The following UBE2E2 variants were observed in gnomAD, a reference collection of about 807,000 sequenced individuals.
UBE2E2 encodes ubiquitin-conjugating enzyme E2 E2.
A neutral mutation model predicts 24.7 loss-of-function variants in UBE2E2; 6 were observed. The observed-to-expected ratio is 0.24, with a 90% CI of 0.13 to 0.48. The LOEUF (loss-of-function observed/expected upper bound fraction) is 0.48. Among genes scored for constraint, UBE2E2 ranks in the 20% least tolerant of loss-of-function variants. The probability of loss-of-function intolerance (pLI) is 0.99; values close to 1 mark genes in which losing one functional copy is unlikely to be tolerated. For synonymous variants in UBE2E2, 104 were observed against 83.6 expected (o/e 1.24, Z -1.33); for missense variants, 169 against 245.0 (o/e 0.69, Z 2.07).
At chr3:23,379,730 G>A (rs1334205973) in intron 3 of UBE2E2, among the ~76,000 whole-genome samples, 3 of 152,184 alleles carry the variant, frequency 2.0e-5, no homozygotes, top group East Asian at 1.9e-4. Flanking sequence ...ATGGTGTGAT[G>A]GGAGAGAGAG....
At chr3:23,347,016 T>C (rs550823283) in intron 3 of UBE2E2, among the ~76,000 whole-genome samples, 16 of 152,328 alleles carry the variant, frequency 1.1e-4, no homozygotes, top group African/African-American at 3.6e-4. Context: ...TCTTCAGTGC[T>C]ATCCTGTGCC....
chr3:23,569,415 C>G (rs902564014), intron 5 of UBE2E2, among the ~76,000 whole-genome samples: 1 of 152,000 alleles, frequency 6.6e-6, no homozygotes, highest in African/African-American at 2.4e-5. Context: ...TAATGGTTGC[C>G]CAATCTGTGA....
At position 23,372,421 on chromosome 3, in the gene UBE2E2, A is replaced by T. The variant is rs550941430; in HGVS notation, c.228-127187A>T. ...CATGAGCTGAAATTTCCCAACACTG[A>T]CCTCTGTTTCAGATTCCTGCTGTTG... On this transcript the variant is annotated intron_variant, in intron 3 of 5. Transcript: ENST00000396703. 8.9e-4 allele frequency among the ~76,000 whole-genome samples: 136 copies of T among 152,226 alleles called. 2 individuals are homozygous for T. Among genetic ancestry groups the T allele is most frequent in the Admixed American group, 8.9e-3 (136 of 15,294 alleles).
Position 23,591,586 on chromosome 3 carries a change from G to A in UBE2E2, c.*1755G>A, listed in dbSNP as rs1448578868. The stretch of plus-strand genomic sequence containing the variant: ...ACTCAACCCTCTAGTTGTAGTAGAG[G>A]GAGCCACAGACAGTACATAAATGCA... On this transcript the variant is annotated 3_prime_UTR_variant, in exon 6 of 6. Transcript: ENST00000396703. The A allele has an allele frequency of 1.3e-5, 2 of 152,124 alleles. No individual in the cohort carries two copies. Among genetic ancestry groups the A allele is most frequent in the Non-Finnish European group, 2.9e-5 (2 of 68,024 alleles). 9.4% of individuals were successfully genotyped at this position (152,124 alleles called of 1,614,324 possible).
At chr3:23,330,881 G>T (rs1020486462) in intron 3 of UBE2E2, among the ~76,000 whole-genome samples, 1 of 152,052 alleles carries the variant, frequency 6.6e-6, no homozygotes, top group South Asian at 2.1e-4. Flanking sequence ...TATTAAAAAA[G>T]ATTAGAATGA....
At chr3:23,503,625 A>C (rs540213261) in intron 4 of UBE2E2, among the ~76,000 whole-genome samples, 1 of 151,922 alleles carries the variant, frequency 6.6e-6, no homozygotes, top group Non-Finnish European at 1.5e-5. Context: ...AGGCTGAGAC[A>C]GGTGGATCAT....
chr3:23,446,485 C>A (rs973371239), intron 3 of UBE2E2, among the ~76,000 whole-genome samples: 1 of 152,096 alleles, frequency 6.6e-6, no homozygotes, highest in South Asian at 2.1e-4. Context: ...TGAGTGAGAT[C>A]GTAAGAGTTA....
chr3:23,453,483 G>A (rs1698610869), intron 3 of UBE2E2, among the ~76,000 whole-genome samples: 1 of 152,018 alleles, frequency 6.6e-6, no homozygotes, highest in Admixed American at 6.5e-5. Flanking sequence ...GAAAAACAAA[G>A]ACTACAGTTT....
At chr3:23,402,739 A>G (rs1255379938) in intron 3 of UBE2E2, among the ~76,000 whole-genome samples, 1 of 147,674 alleles carries the variant, frequency 6.8e-6, no homozygotes, top group Non-Finnish European at 1.5e-5. Flanking sequence ...ATATAGCAGT[A>G]GTACAAAGTC....
intron 3 of UBE2E2, among the ~76,000 whole-genome samples, chr3:23,388,834 G>A (rs963505166): frequency 1.3e-4 from 20 of 150,266 alleles, no homozygotes; most frequent in Non-Finnish European, 2.2e-4. Context: ...GTGAAACCCC[G>A]TCTCTACTAA....
chr3:23,566,742 C>A (rs1696083582), intron 5 of UBE2E2, among the ~76,000 whole-genome samples: 1 of 152,126 alleles, frequency 6.6e-6, no homozygotes, highest in Non-Finnish European at 1.5e-5. Context: ...GAGGGATCCA[C>A]CCCCCTGACC....
intron 3 of UBE2E2, among the ~76,000 whole-genome samples, chr3:23,351,282 A>T (rs912149909): frequency 2.0e-5 from 3 of 152,248 alleles, no homozygotes; most frequent in African/African-American, 7.2e-5. Context: ...CTGCAAAATC[A>T]TGCCAAATTG....
intron 3 of UBE2E2, among the ~76,000 whole-genome samples, chr3:23,223,025 C>T (rs115812894): frequency 0.017 from 1,014 of 60,354 alleles, 7 homozygotes; most frequent in Middle Eastern, 0.052. Flanking sequence ...CCCCCCCCCC[C>T]TTTTTTTTTT....
intron 5 of UBE2E2, among the ~76,000 whole-genome samples, chr3:23,564,519 C>G (rs1696016875): frequency 6.6e-6 from 1 of 152,154 alleles, no homozygotes; most frequent in South Asian, 2.1e-4. Context: ...ATTAGGGAAC[C>G]TGTGACTGTG....
At chr3:23,412,140 G>C (rs1244063005) in intron 3 of UBE2E2, among the ~76,000 whole-genome samples, 1 of 152,046 alleles carries the variant, frequency 6.6e-6, no homozygotes, top group Non-Finnish European at 1.5e-5. Flanking sequence ...TGCAGAATTA[G>C]TTACCAGTTA....
chr3:23,571,516 CT>C (rs1412976650), intron 5 of UBE2E2, among the ~76,000 whole-genome samples: 1 of 151,654 alleles, frequency 6.6e-6, no homozygotes, highest in African/African-American at 2.4e-5. Flanking sequence ...TCTCAAACTC[CT>C]GACCTCGTGA....
chr3:23,259,598 A>T (rs1697841962), intron 3 of UBE2E2, among the ~76,000 whole-genome samples: 1 of 152,162 alleles, frequency 6.6e-6, no homozygotes, highest in Non-Finnish European at 1.5e-5. Context: ...CTTGACTCAA[A>T]TATTGTAATT....
At chr3:23,568,077 A>G (rs1318396416) in intron 5 of UBE2E2, among the ~76,000 whole-genome samples, 2 of 152,222 alleles carry the variant, frequency 1.3e-5, no homozygotes, top group Non-Finnish European at 2.9e-5. Context: ...GTGACTCACC[A>G]GACTCCCTTG....
At chr3:23,559,638 T>C (rs1307098426) in intron 5 of UBE2E2, among the ~76,000 whole-genome samples, 1 of 152,156 alleles carries the variant, frequency 6.6e-6, no homozygotes, top group African/African-American at 2.4e-5. Context: ...CTTTCTTTCT[T>C]TTTGTACAAT....
Sources: allele counts gnomAD v4.1 joint callset (sites outside exome capture counted in the v4.1 genomes callset), GRCh38; gene constraint gnomAD v4.1.1; transcripts MANE v1.5; gene names NCBI Gene and HGNC (gene_info 2026-07-23, HGNC 2026-07-21).